EYA1: variants seen among roughly 807,000 people sequenced by gnomAD.
EYA1 encodes EYA transcriptional coactivator and phosphatase 1, also known as protein phosphatase EYA1.
Under a neutral mutation model 82.0 loss-of-function variants are expected in EYA1, and 16 were observed. That is an observed-to-expected ratio of 0.20 (90% CI 0.13 to 0.30). The LOEUF (loss-of-function observed/expected upper bound fraction) is 0.30. EYA1 is among the 10% of genes least tolerant of loss of function. EYA1 has a pLI of 1.00. For synonymous variants in EYA1, 261 were observed against 264.4 expected (o/e 0.99, Z 0.12); for missense variants, 633 against 730.7 (o/e 0.87, Z 1.54).
At chr8:71,223,333 C>A (rs1366028908) in intron 12 of EYA1, among the ~76,000 whole-genome samples, 1 of 152,192 alleles carries the variant, frequency 6.6e-6, no homozygotes, top group African/African-American at 2.4e-5. Flanking sequence ...CAGGATCCTA[C>A]AAGCATCTTT....
At chr8:71,372,005 GT>G (rs1191704846) in intron 2 of EYA1, among the ~76,000 whole-genome samples, 1 of 152,098 alleles carries the variant, frequency 6.6e-6, no homozygotes, top group Non-Finnish European at 1.5e-5. Context: ...GATAACTAGA[GT>G]TTCAGCAAGA....
chr8:71,206,154 A>G (rs921598242), intron 17 of EYA1, among the ~76,000 whole-genome samples: 1 of 152,058 alleles, frequency 6.6e-6, no homozygotes, highest in Non-Finnish European at 1.5e-5. Context: ...TTTTTGAAAA[A>G]CCATGTAAAT....
intron 2 of EYA1, among the ~76,000 whole-genome samples, chr8:71,513,764 C>T (rs988121960): frequency 1.3e-5 from 2 of 152,084 alleles, no homozygotes; most frequent in African/African-American, 4.8e-5. Context: ...CCTCACTATG[C>T]TTCCCAGCCT....
intron 2 of EYA1, among the ~76,000 whole-genome samples, chr8:71,376,276 A>C (rs1327694515): frequency 6.6e-6 from 1 of 152,214 alleles, no homozygotes; most frequent in Non-Finnish European, 1.5e-5. Flanking sequence ...GGAGGGAAGA[A>C]AGAAATGCGG....
At chr8:71,297,139 C>T (rs1320430211) in intron 9 of EYA1, among the ~76,000 whole-genome samples, 1 of 152,002 alleles carries the variant, frequency 6.6e-6, no homozygotes, top group East Asian at 1.9e-4. Flanking sequence ...AAAATAAGTA[C>T]CTAAAACACT....
rs190501580 is a variant in EYA1, at chr8:71,238,937, T to C, written c.1140+5666A>G. On this transcript the variant is annotated intron_variant, in intron 12 of 17. Transcript: ENST00000340726. The stretch of plus-strand genomic sequence containing the variant: ...TGTTTGCTATCAGTAGAATATAAAG[T>C]ATTCAGAGTATAAATTTATTTATAA... 9.9e-5 allele frequency among the ~76,000 whole-genome samples: 15 copies of C among 152,098 alleles called. No individual in the cohort carries two copies. In the South Asian group the frequency reaches 1.4e-3, roughly 15 times the overall value.
chr8:71,219,426 G>T (rs1332724878), intron 12 of EYA1, among the ~76,000 whole-genome samples: 1 of 151,134 alleles, frequency 6.6e-6, no homozygotes, highest in East Asian at 1.9e-4. Context: ...GCACCTCCAG[G>T]AATGAAAAAA....
At chr8:71,212,491 T>C (rs1395365719) in intron 16 of EYA1, among the ~76,000 whole-genome samples, 1 of 152,212 alleles carries the variant, frequency 6.6e-6, no homozygotes, top group African/African-American at 2.4e-5. Context: ...AAAGTTTCCC[T>C]CTTGTGGAAA....
chr8:71,322,189 T>C lies in EYA1; in HGVS notation c.272+10A>G, dbSNP rs769327774. On this transcript the variant is annotated intron_variant, in intron 5 of 17. Coordinates refer to ENST00000340726, the MANE Select transcript of EYA1 (RefSeq NM_000503.6). ...AAGTTATTTATTGATTAAGAGAAAA[T>C]ACATCTTACTTGGAAGGGTAAATCT... The C allele has an allele frequency of 6.2e-7, 1 of 1,608,804 alleles. No homozygotes were observed. Among genetic ancestry groups the C allele is most frequent in the Non-Finnish European group, 8.5e-7 (1 of 1,175,126 alleles).
In EYA1 at chr8:71,445,528, T is replaced by C. The variant is rs565439036; in HGVS notation, c.34-89017A>G. On this transcript the variant is annotated intron_variant, in intron 2 of 18. Transcript: ENST00000643681. ...TAGGAATGTAAGCAATAGGAACTGA[T>C]TTTTTAAAAGTAATGTTATTAATAT... Among the ~76,000 whole-genome samples the C allele has an allele frequency of 4.8e-3, 732 of 152,330 alleles. 11 individuals are homozygous for C. Among genetic ancestry groups the C allele is most frequent in the South Asian group, 0.016 (77 of 4,828 alleles).
chr8:71,239,998 A>AT (rs1165950201), intron 12 of EYA1, among the ~76,000 whole-genome samples: 3 of 152,200 alleles, frequency 2.0e-5, no homozygotes, highest in Non-Finnish European at 4.4e-5. Context: ...TACAGAAAGA[A>AT]TTTTTTCCTA....
chr8:71,450,569 A>G (rs952099566), intron 2 of EYA1, among the ~76,000 whole-genome samples: 1 of 152,222 alleles, frequency 6.6e-6, no homozygotes, highest in Admixed American at 6.5e-5. Flanking sequence ...AATAATTATG[A>G]GAATGACTGA....
intron 2 of EYA1, among the ~76,000 whole-genome samples, chr8:71,507,561 A>G (rs35756394): frequency 0.054 from 8,285 of 152,310 alleles, 302 homozygotes; most frequent in East Asian, 0.12. Flanking sequence ...ATGCAAGATT[A>G]TATATTTCTG....
intron 17 of EYA1, among the ~76,000 whole-genome samples, chr8:71,209,512 A>C (rs1252156244): frequency 7.9e-5 from 12 of 152,186 alleles, no homozygotes; most frequent in Non-Finnish European, 4.4e-5. Context: ...TATTCATGAA[A>C]TTATCTAGTT....
intron 4 of EYA1, among the ~76,000 whole-genome samples, chr8:71,333,247 C>T (rs183642969): frequency 3.3e-5 from 5 of 152,282 alleles, no homozygotes; most frequent in South Asian, 4.1e-4. Flanking sequence ...TCATTAGTAT[C>T]GAAGTTGTGT....
At chr8:71,520,429 T>C (rs923236327) in intron 2 of EYA1, among the ~76,000 whole-genome samples, 1 of 152,170 alleles carries the variant, frequency 6.6e-6, no homozygotes, top group Non-Finnish European at 1.5e-5. Flanking sequence ...ATAAACTTCA[T>C]TGGCAGTTTG....
At chr8:71,514,130 C>T (rs1396832084) in intron 2 of EYA1, among the ~76,000 whole-genome samples, 1 of 152,096 alleles carries the variant, frequency 6.6e-6, no homozygotes, top group African/African-American at 2.4e-5. Flanking sequence ...GCTGATTTCA[C>T]TTATTTTATG....
intron 17 of EYA1, among the ~76,000 whole-genome samples, chr8:71,200,821 G>A (rs1341221102): frequency 6.6e-6 from 1 of 151,698 alleles, no homozygotes; most frequent in Non-Finnish European, 1.5e-5. Context: ...CCTTTGCCTA[G>A]TGAACTGGGA....
chr8:71,217,120 T>C (rs917049541), intron 12 of EYA1, 97 bp from the exon 13 acceptor site: 8 of 893,606 alleles, frequency 9.0e-6, no homozygotes, highest in Non-Finnish European at 1.3e-5. Flanking sequence ...TAAAGCACCT[T>C]AATTGGAGGA....
Sources: allele counts gnomAD v4.1 joint callset (sites outside exome capture counted in the v4.1 genomes callset), GRCh38; gene constraint gnomAD v4.1.1; transcripts MANE v1.5; gene names NCBI Gene and HGNC (gene_info 2026-07-23, HGNC 2026-07-21).